PUM3: variants seen among roughly 807,000 people sequenced by gnomAD.
The protein encoded by PUM3 is pumilio homolog 3.
Under a neutral mutation model 84.0 loss-of-function variants are expected in PUM3, and 91 were observed. That is an observed-to-expected ratio of 1.08 (90% CI 0.91 to 1.29). The LOEUF (loss-of-function observed/expected upper bound fraction) is 1.29, where lower values mean the gene tolerates loss of function less well. Ranked by LOEUF, PUM3 falls within the 50% of genes most tolerant of loss-of-function variation. The pLI is 0.00. For missense variants in PUM3, 1,067 were observed against 767.5 expected (o/e 1.39, Z -4.61); for synonymous variants, 321 against 266.7 (o/e 1.20, Z -1.98).
chr9:2,842,393 C>G (rs1417128845), intron 1 of PUM3, among the ~76,000 whole-genome samples: 3 of 152,142 alleles, frequency 2.0e-5, no homozygotes, highest in Non-Finnish European at 4.4e-5. Flanking sequence ...GGAAAAAGTT[C>G]CAACTCAGGC....
chr9:2,810,632 A>G (rs977363496), intron 15 of PUM3, among the ~76,000 whole-genome samples: 28 of 152,232 alleles, frequency 1.8e-4, no homozygotes, highest in African/African-American at 6.8e-4. Flanking sequence ...CCAGACTGAA[A>G]GACAGTTATG....
intron 12 of PUM3, among the ~76,000 whole-genome samples, chr9:2,821,483 C>CACTAAA (rs1270017424): frequency 1.4e-5 from 2 of 138,026 alleles, no homozygotes; most frequent in Admixed American, 7.2e-5. Flanking sequence ...AGTCAGATCA[C>CACTAAA]ACTAAAACAG....
chr9:2,816,949 A>C (rs977018989), intron 13 of PUM3, among the ~76,000 whole-genome samples: 2 of 152,196 alleles, frequency 1.3e-5, no homozygotes, highest in African/African-American at 4.8e-5. Flanking sequence ...CAACACACTA[A>C]GCTTTCTTGG....
intron 12 of PUM3, among the ~76,000 whole-genome samples, chr9:2,822,733 T>C (rs926158470): frequency 6.8e-6 from 1 of 146,404 alleles, no homozygotes; most frequent in African/African-American, 2.6e-5. Flanking sequence ...TATAACATAA[T>C]AATATAATGT....
chr9:2,826,793 A>C (rs1815834867), intron 10 of PUM3, among the ~76,000 whole-genome samples: 1 of 152,138 alleles, frequency 6.6e-6, no homozygotes, highest in Admixed American at 6.5e-5. Flanking sequence ...CGAGTTAGTT[A>C]ATTTTCAGAT....
intron 1 of PUM3, among the ~76,000 whole-genome samples, chr9:2,843,246 C>G (rs1156517599): frequency 6.6e-6 from 1 of 152,164 alleles, no homozygotes; most frequent in African/African-American, 2.4e-5. Flanking sequence ...ATCTTGTACT[C>G]TAACTATACT....
chr9:2,819,306 G>A (rs551432382), intron 13 of PUM3, among the ~76,000 whole-genome samples: 1 of 152,324 alleles, frequency 6.6e-6, no homozygotes, highest in South Asian at 2.1e-4. Flanking sequence ...TTACTTTGGA[G>A]TACTTCCCCT....
intron 13 of PUM3, among the ~76,000 whole-genome samples, chr9:2,816,904 T>C (rs757617721): frequency 6.6e-6 from 1 of 152,260 alleles, no homozygotes; most frequent in Non-Finnish European, 1.5e-5. Flanking sequence ...ACTTGACATT[T>C]TGGGAAATCT....
At chr9:2,842,251 C>T (rs1430445093) in intron 1 of PUM3, among the ~76,000 whole-genome samples, 1 of 152,166 alleles carries the variant, frequency 6.6e-6, no homozygotes, top group East Asian at 1.9e-4. Context: ...GCTCCTGTTA[C>T]CTCTTGCTCA....
In PUM3 at chr9:2,815,881, T is replaced by C. The variant is rs532706505; in HGVS notation, c.1270-3519A>G. Among the ~76,000 whole-genome samples, 7 of 152,348 alleles carry C rather than the reference T, an allele frequency of 4.6e-5. No individual in the cohort carries two copies. In the East Asian group the frequency reaches 1.2e-3, roughly 25 times the overall value. ...TTCTTCTTAAGCTCTAAAGTAGGCA[T>C]GTAAACAAAGAAAGCATGGGAATTA... On this transcript the variant is annotated intron_variant, in intron 13 of 17. Coordinates refer to ENST00000397885, the MANE Select transcript of PUM3 (RefSeq NM_014878.5).
At position 2,812,255 on chromosome 9, in the gene PUM3, AATG is replaced by A; in HGVS notation, c.1374_1376del (p.Ile459del). On this transcript the variant is annotated inframe_deletion, in exon 14 of 18. Transcript: ENST00000397885. ...TTCCATCTCCTTTTTGCAGAACTTCAATGATTTCTCGTACTGTATGTGCAGGAT... is the reference window on the plus strand; with the variant it reads ...TTCCATCTCCTTTTTGCAGAACTTCAATTTCTCGTACTGTATGTGCAGGAT... The A allele has an allele frequency of 6.2e-7, 1 of 1,613,790 alleles. No homozygotes were observed. The highest frequency in any genetic ancestry group is 2.2e-5 in the East Asian group (1 of 44,860).
intron 1 of PUM3, among the ~76,000 whole-genome samples, chr9:2,842,580 A>T (rs745743888): frequency 1.3e-5 from 2 of 152,142 alleles, no homozygotes; most frequent in South Asian, 4.1e-4. Flanking sequence ...TCTACATGTT[A>T]GCATTCCTCA....
chr9:2,807,736 A>T, intron 17 of PUM3, 78 bp downstream of exon 17: 1 of 904,752 alleles, frequency 1.1e-6, no homozygotes, highest in East Asian at 2.5e-5. Context: ...AAATATTAGA[A>T]CTGAGAAATC....
chr9:2,827,177 A>C, intron 9 of PUM3, 26 bp from the exon 10 acceptor site: 8 of 1,542,670 alleles, frequency 5.2e-6, no homozygotes, highest in East Asian at 2.3e-5. Flanking sequence ...AAAAGCAAAA[A>C]GACACAACAG....
At position 2,838,410 on chromosome 9, in the gene PUM3, G is replaced by C; in HGVS notation, c.82+16C>G. On this transcript the variant is annotated intron_variant, in intron 2 of 17. Transcript: ENST00000397885. The stretch of plus-strand genomic sequence containing the variant: ...AATTATAACAGCCAAACACCCACAT[G>C]GGAAGCATATCTTACCACTATTTTT... 1.3e-6 allele frequency: 2 copies of C among 1,569,682 alleles called. No individual in the cohort carries two copies. The highest frequency in any genetic ancestry group is 1.8e-6 in the Non-Finnish European group (2 of 1,139,950).
chr9:2,807,600 C>CA (rs71329449), intron 17 of PUM3, among the ~76,000 whole-genome samples: 55,166 of 67,348 alleles, frequency 0.82, 24,278 homozygotes, highest in East Asian at 0.91. Flanking sequence ...GACTCCATCT[C>CA]AAAAAAAAAA....
At chr9:2,843,869 C>T (rs1224557938) in intron 1 of PUM3, among the ~76,000 whole-genome samples, 176 bp downstream of exon 1, 2 of 151,784 alleles carry the variant, frequency 1.3e-5, no homozygotes, top group East Asian at 1.9e-4. Flanking sequence ...TGAGCCACCG[C>T]GCCCGGCCAG....
Position 2,811,518 on chromosome 9 carries a change from T to G in PUM3, c.1478A>C (p.Tyr493Ser). 6.2e-7 allele frequency: 1 copy of G among 1,614,190 alleles called. No homozygotes were observed. Among genetic ancestry groups the G allele is most frequent in the Non-Finnish European group, 8.5e-7 (1 of 1,180,036 alleles). The change falls in exon 15 of 18, where the codon TAC becomes TCC. Residue 493 changes from tyrosine to serine, a missense_variant. Transcript: ENST00000397885. The stretch of plus-strand genomic sequence containing the variant: ...CACTTCTTGGGCGTGTTCTTGCAGG[T>G]AGCTTAACAAAGCTGGAGAAATGGA... ...LESISPALLS[Y>S]LQEHAQEVVL...
intron 10 of PUM3, among the ~76,000 whole-genome samples, chr9:2,825,025 G>C (rs1390129478): frequency 6.6e-6 from 1 of 152,140 alleles, no homozygotes; most frequent in Non-Finnish European, 1.5e-5. Context: ...AATACTGCTG[G>C]CAGACAATAT....
Sources: allele counts gnomAD v4.1 joint callset (sites outside exome capture counted in the v4.1 genomes callset), GRCh38; gene constraint gnomAD v4.1.1; transcripts MANE v1.5; gene names NCBI Gene and HGNC (gene_info 2026-07-23, HGNC 2026-07-21).